TMEM132D: variants seen among roughly 807,000 people sequenced by gnomAD.
TMEM132D encodes the protein mature OL transmembrane protein.
Under a neutral mutation model 62.3 loss-of-function variants are expected in TMEM132D, and 21 were observed. The ratio of observed to expected loss-of-function variants is 0.34; its 90% CI spans 0.24 to 0.49. TMEM132D has a LOEUF of 0.49. TMEM132D is among the 20% of genes least tolerant of loss of function. The probability of loss-of-function intolerance (pLI) is 0.99; values close to 1 mark genes in which losing one functional copy is unlikely to be tolerated. For missense variants in TMEM132D, 1,346 were observed against 1,402.8 expected (o/e 0.96, Z 0.65); for synonymous variants, 621 against 575.6 (o/e 1.08, Z -1.13).
At chr12:129,114,731 C>T (rs919745577) in intron 5 of TMEM132D, among the ~76,000 whole-genome samples, 1 of 152,132 alleles carries the variant, frequency 6.6e-6, no homozygotes, top group Admixed American at 6.5e-5. Flanking sequence ...ATGTCGCCAC[C>T]TCGTTTTCCC....
intron 3 of TMEM132D, among the ~76,000 whole-genome samples, chr12:129,432,251 TTGGATGGATGGAAGGATGGATGGATCAA>T (rs1872679921): frequency 7.2e-6 from 1 of 138,046 alleles, no homozygotes. Context: ...GGATGGTTGC[TTGGATGGATGGAAGGATGGATGGATCAA>T]TGGATGGATG....
In TMEM132D at chr12:129,760,639, G is replaced by A. The variant is rs202022187; in HGVS notation, c.80-59941C>T. 1.5e-3 allele frequency among the ~76,000 whole-genome samples: 156 copies of A among 105,808 alleles called. 1 individual carries two copies. The East Asian group carries it at 0.031, about 21-fold the overall frequency. 69.4% of individuals were successfully genotyped at this position (105,808 alleles called of 152,430 possible). ...TGGGATTACAGGCATGAGTCACTGC[G>A]CCCGGACTTTTTTTTTTTTTCTTTT... is the stretch of plus-strand genomic sequence containing the variant. On this transcript the variant is annotated intron_variant, in intron 1 of 8. Transcript: ENST00000422113.
chr12:129,868,837 C>T (rs559027163), intron 1 of TMEM132D, among the ~76,000 whole-genome samples: 32 of 152,262 alleles, frequency 2.1e-4, no homozygotes, highest in African/African-American at 6.3e-4. Flanking sequence ...CAGAAGGAGC[C>T]AGGTTCGGAG....
intron 4 of TMEM132D, among the ~76,000 whole-genome samples, chr12:129,313,976 T>C (rs1034372521): frequency 7.9e-5 from 12 of 152,364 alleles, no homozygotes; most frequent in Middle Eastern, 3.4e-3. Context: ...GTTGGCATTT[T>C]TTCATATGTT....
intron 3 of TMEM132D, among the ~76,000 whole-genome samples, chr12:129,512,507 T>A (rs1162384321): frequency 6.6e-6 from 1 of 152,188 alleles, no homozygotes; most frequent in Non-Finnish European, 1.5e-5. Flanking sequence ...TTCTAAGTCA[T>A]AAACCCAGCA....
At chr12:129,772,740 A>G in intron 1 of TMEM132D, among the ~76,000 whole-genome samples, 1 of 152,262 alleles carries the variant, frequency 6.6e-6, no homozygotes, top group East Asian at 1.9e-4. Flanking sequence ...GAGAGCCTCT[A>G]AGCCAGCAGA....
intron 2 of TMEM132D, among the ~76,000 whole-genome samples, chr12:129,636,699 TG>T (rs869253368): frequency 0.021 from 510 of 24,296 alleles, 4 homozygotes; most frequent in African/African-American, 0.13. Flanking sequence ...CATACAGAAA[TG>T]TGTGTGTGTG....
At chr12:129,720,144 G>C (rs906753004) in intron 1 of TMEM132D, among the ~76,000 whole-genome samples, 7 of 152,120 alleles carry the variant, frequency 4.6e-5, no homozygotes, top group Admixed American at 4.6e-4. Flanking sequence ...CTTGCACGCA[G>C]GAATGGTGTC....
At chr12:129,273,462 A>C (rs943240645) in intron 4 of TMEM132D, among the ~76,000 whole-genome samples, 1 of 150,332 alleles carries the variant, frequency 6.7e-6, no homozygotes, top group Non-Finnish European at 1.5e-5. Context: ...AAAGCACATG[A>C]ACTCATACGT....
intron 4 of TMEM132D, among the ~76,000 whole-genome samples, chr12:129,306,735 C>G (rs1438857099): frequency 6.6e-6 from 1 of 152,070 alleles, no homozygotes; most frequent in Non-Finnish European, 1.5e-5. Flanking sequence ...TTTTTAAATA[C>G]AAAGTCAATA....
chr12:129,150,311 C>T (rs78369956), intron 5 of TMEM132D, among the ~76,000 whole-genome samples: 3,211 of 152,304 alleles, frequency 0.021, 48 homozygotes, highest in Middle Eastern at 0.034. Flanking sequence ...AGAACAGCGA[C>T]GAACAGGGGG....
chr12:129,518,933 C>T (rs1875763245), intron 3 of TMEM132D, among the ~76,000 whole-genome samples: 1 of 152,164 alleles, frequency 6.6e-6, no homozygotes, highest in African/African-American at 2.4e-5. Flanking sequence ...GGTTGGCACA[C>T]ACTGACATAT....
At chr12:129,758,051 T>C (rs953012666) in intron 1 of TMEM132D, among the ~76,000 whole-genome samples, 1 of 152,036 alleles carries the variant, frequency 6.6e-6, no homozygotes, top group Non-Finnish European at 1.5e-5. Context: ...TACAGGTGCC[T>C]GCCACCATGC....
At chr12:129,447,842 A>T (rs922107608) in intron 3 of TMEM132D, among the ~76,000 whole-genome samples, 2 of 152,164 alleles carry the variant, frequency 1.3e-5, no homozygotes, top group Admixed American at 6.5e-5. Context: ...ACCACTAAGG[A>T]GCTGAGTGAT....
chr12:129,223,968 T>G (rs1476831185), intron 4 of TMEM132D, among the ~76,000 whole-genome samples: 1 of 152,146 alleles, frequency 6.6e-6, no homozygotes, highest in Non-Finnish European at 1.5e-5. Flanking sequence ...TTCCATGCCT[T>G]ATAAGTTGTG....
At chr12:129,603,688 T>G (rs111388186) in intron 2 of TMEM132D, among the ~76,000 whole-genome samples, 15,076 of 152,158 alleles carry the variant, frequency 0.099, 866 homozygotes, top group African/African-American at 0.15. Flanking sequence ...GGAGAGGATA[T>G]GGAGAAAAAG....
chr12:129,432,084 A>G (rs1177792238), intron 3 of TMEM132D, among the ~76,000 whole-genome samples: 1 of 152,124 alleles, frequency 6.6e-6, no homozygotes, highest in Non-Finnish European at 1.5e-5. Flanking sequence ...TCTTATCACT[A>G]TAATTATGTT....
At chr12:129,710,032 A>C (rs1483081693) in intron 1 of TMEM132D, among the ~76,000 whole-genome samples, 1 of 152,210 alleles carries the variant, frequency 6.6e-6, no homozygotes, top group African/African-American at 2.4e-5. Context: ...AAGTAATTTC[A>C]GGACAAAAGA....
chr12:129,156,968 C>T (rs541145952), intron 5 of TMEM132D, among the ~76,000 whole-genome samples: 53 of 152,118 alleles, frequency 3.5e-4, no homozygotes, highest in South Asian at 1.9e-3. Context: ...CCTATGATAA[C>T]GAGCCCACTC....
Sources: gnomAD v4.1 joint callset for allele counts (sites outside exome capture counted in the v4.1 genomes callset) on GRCh38, gnomAD v4.1.1 for gene constraint, MANE v1.5 for transcripts, NCBI Gene and HGNC (gene_info 2026-07-23, HGNC 2026-07-21) for gene names.